The following KALRN variants were observed in gnomAD, a reference collection of about 807,000 sequenced individuals.
The protein encoded by KALRN is kalirin RhoGEF kinase.
A neutral mutation model predicts 353.7 loss-of-function variants in KALRN; 70 were observed. That is an observed-to-expected ratio of 0.20 (90% CI 0.16 to 0.24). The LOEUF (loss-of-function observed/expected upper bound fraction) is 0.24, where lower values mean the gene tolerates loss of function less well. Among genes scored for constraint, KALRN ranks in the 10% least tolerant of loss-of-function variants. The pLI, the probability that KALRN is intolerant of heterozygous loss-of-function variation, is 1.00. For missense variants in KALRN, 2,791 were observed against 3,756.7 expected, an observed-to-expected ratio of 0.74 and a Z score of 6.72; for synonymous variants, 1,391 against 1,434.8, an observed-to-expected ratio of 0.97 and a Z score of 0.69.
At chr3:124,689,152 C>T (rs954517736) in intron 51 of KALRN, among the ~76,000 whole-genome samples, 1 of 152,168 alleles carries the variant, frequency 6.6e-6, no homozygotes, top group Non-Finnish European at 1.5e-5. Context: ...AGAACATGTG[C>T]ATTTTATGTG....
intron 1 of KALRN, among the ~76,000 whole-genome samples, chr3:124,182,697 C>T (rs2073766319): frequency 6.6e-6 from 1 of 152,108 alleles, no homozygotes; most frequent in Non-Finnish European, 1.5e-5. Flanking sequence ...GAGTATTAAC[C>T]AAGAAAAAGA....
intron 9 of KALRN, among the ~76,000 whole-genome samples, chr3:124,345,294 A>C (rs1421552337): frequency 6.6e-6 from 1 of 152,244 alleles, no homozygotes; most frequent in African/African-American, 2.4e-5. Flanking sequence ...AATATATGGG[A>C]AACTTTGTGA....
At chr3:124,210,932 A>C (rs139903888) in intron 1 of KALRN, among the ~76,000 whole-genome samples, 1 of 152,370 alleles carries the variant, frequency 6.6e-6, no homozygotes, top group Non-Finnish European at 1.5e-5. Context: ...TGTGGGAACT[A>C]TAATGTTCTC....
intron 25 of KALRN, among the ~76,000 whole-genome samples, chr3:124,467,290 A>G (rs1355957894): frequency 6.6e-6 from 1 of 152,226 alleles, no homozygotes; most frequent in Non-Finnish European, 1.5e-5. Flanking sequence ...GCCACATTTC[A>G]GTCAACTTCC....
chr3:124,124,866 T>C (rs2064449359), intron 1 of KALRN, among the ~76,000 whole-genome samples: 1 of 152,250 alleles, frequency 6.6e-6, no homozygotes, highest in African/African-American at 2.4e-5. Context: ...TACAACATAG[T>C]GTGAACATAA....
chr3:124,327,586 T>C (rs1196253258), intron 7 of KALRN, among the ~76,000 whole-genome samples: 1 of 152,236 alleles, frequency 6.6e-6, no homozygotes, highest in South Asian at 2.1e-4. Context: ...ATGTAATATA[T>C]AGTCATATAC....
intron 1 of KALRN, among the ~76,000 whole-genome samples, chr3:124,034,111 A>C (rs560454211): frequency 9.9e-5 from 15 of 151,928 alleles, no homozygotes; most frequent in African/African-American, 3.6e-4. Flanking sequence ...GAGCGCGGGG[A>C]TGGGCGGTGT....
In KALRN at chr3:124,699,927, A is replaced by G; in HGVS notation, c.7890A>G (p.Glu2630=). 6.2e-7 allele frequency: 1 copy of G among 1,614,170 alleles called. No individual in the cohort carries two copies. The highest frequency in any genetic ancestry group is 8.5e-7 in the Non-Finnish European group (1 of 1,179,984). ...ASTLDTYLVI[E]DLSPGCPYQF... is the part of the protein sequence containing the mutation. ...CCTTGGACACTTACCTCGTCATCGA[A>G]GACCTTAGTCCCGGGTGTCCTTATC... Residue 2630 remains glutamate, a synonymous_variant, in exon 56 of 60, where the codon GAA becomes GAG. Transcript: ENST00000682506.
intron 39 of KALRN, among the ~76,000 whole-genome samples, chr3:124,656,412 C>T (rs59517002): frequency 0.039 from 5,937 of 152,058 alleles, 603 homozygotes; most frequent in East Asian, 0.36. Flanking sequence ...AGATCGAGAC[C>T]GTCCTGGCTA....
At chr3:124,167,126 G>A (rs1422221179) in intron 1 of KALRN, among the ~76,000 whole-genome samples, 1 of 152,148 alleles carries the variant, frequency 6.6e-6, no homozygotes, top group African/African-American at 2.4e-5. Context: ...GATGGAGTGG[G>A]GGTGGACCAA....
At chr3:124,642,806 G>GTTTTTTTTTTTGTTGTTGTTTTTTT (rs2082213074) in intron 37 of KALRN, among the ~76,000 whole-genome samples, 1 of 96,840 alleles carries the variant, frequency 1.0e-5, no homozygotes, top group East Asian at 4.7e-4. Context: ...CCCAAGCCTC[G>GTTTTTTTTTTTGTTGTTGTTTTTTT]TTTTTTTTTT....
chr3:124,088,237 T>C (rs565270446), intron 1 of KALRN, among the ~76,000 whole-genome samples: 222 of 152,336 alleles, frequency 1.5e-3, no homozygotes, highest in Non-Finnish European at 2.6e-3. Context: ...TTTTCCTCAG[T>C]GCCGAGGGTC....
At chr3:124,113,807 A>G (rs1447728198) in intron 1 of KALRN, among the ~76,000 whole-genome samples, 1 of 152,232 alleles carries the variant, frequency 6.6e-6, no homozygotes, top group Non-Finnish European at 1.5e-5. Flanking sequence ...TGAGTGGCCC[A>G]GCCCAGAATA....
intron 33 of KALRN, chr3:124,519,856 T>C (rs1465987548): frequency 1.0e-6 from 1 of 985,292 alleles, no homozygotes; most frequent in Admixed American, 6.2e-5. Context: ...AAGCAGGCTG[T>C]TGATATACAG....
At chr3:124,372,337 A>G (rs2085950275) in intron 10 of KALRN, among the ~76,000 whole-genome samples, 1 of 152,178 alleles carries the variant, frequency 6.6e-6, no homozygotes, top group African/African-American at 2.4e-5. Flanking sequence ...TCACTGAGAC[A>G]TAATCATTAT....
intron 1 of KALRN, among the ~76,000 whole-genome samples, chr3:124,047,418 T>A (rs1456282296): frequency 6.6e-6 from 1 of 151,320 alleles, no homozygotes; most frequent in Non-Finnish European, 1.5e-5. Flanking sequence ...ATAAGCTAAG[T>A]GATAATTTAA....
chr3:124,170,076 G>C (rs944664671), intron 1 of KALRN, among the ~76,000 whole-genome samples: 1 of 152,180 alleles, frequency 6.6e-6, no homozygotes, highest in Non-Finnish European at 1.5e-5. Flanking sequence ...GCTTTAGTTA[G>C]CTATAGATGT....
chr3:124,491,494 C>A, intron 31 of KALRN, 70 bp downstream of exon 31: 1 of 1,195,580 alleles, frequency 8.4e-7, no homozygotes, highest in Non-Finnish European at 1.2e-6. Flanking sequence ...GCAAGTGACA[C>A]CTCAAAGCTA....
At chr3:124,269,337 A>G in intron 5 of KALRN, 82 bp downstream of exon 5, 1 of 1,423,524 alleles carries the variant, frequency 7.0e-7, no homozygotes, top group Non-Finnish European at 9.5e-7. Context: ...GATTAATGAT[A>G]GTACTTTCCT....
Sources: gnomAD v4.1 joint callset for allele counts (sites outside exome capture counted in the v4.1 genomes callset) on GRCh38, gnomAD v4.1.1 for gene constraint, MANE v1.5 for transcripts, NCBI Gene and HGNC (gene_info 2026-07-23, HGNC 2026-07-21) for gene names.